CDH23: variants seen among roughly 807,000 people sequenced by gnomAD.
The protein encoded by CDH23 is cadherin related 23, also known as cadherin-23.
In CDH23, 189 loss-of-function variants were observed where a neutral mutation model predicts 317.1. The ratio of observed to expected loss-of-function variants is 0.60; its 90% confidence interval spans 0.53 to 0.67. CDH23 has a LOEUF of 0.67. Ranked by LOEUF, CDH23 falls within the 30% of genes least tolerant of loss-of-function variation. The probability of loss-of-function intolerance (pLI) is 0.00; values close to 1 mark genes in which losing one functional copy is unlikely to be tolerated. For synonymous variants in CDH23, 1,839 were observed against 1,876.8 expected (o/e 0.98, Z 0.52); for missense variants, 4,401 against 4,592.4 (o/e 0.96, Z 1.20).
intron 17 of CDH23, among the ~76,000 whole-genome samples, chr10:71,681,594 A>C (rs979176068): frequency 5.3e-5 from 8 of 152,132 alleles, no homozygotes; most frequent in Non-Finnish European, 1.0e-4. Context: ...AGGTGACTGG[A>C]TGGGTATGAA....
At chr10:71,509,590 TCCAGCAAAAGTC>T (rs1465955795) in intron 3 of CDH23, among the ~76,000 whole-genome samples, 1 of 152,148 alleles carries the variant, frequency 6.6e-6, no homozygotes, top group Non-Finnish European at 1.5e-5. Flanking sequence ...TCCCAGTAGT[TCCAGCAAAAGTC>T]CCAGGGCTGG....
chr10:71,465,611 C>G (rs1431008194), intron 3 of CDH23, among the ~76,000 whole-genome samples: 1 of 152,230 alleles, frequency 6.6e-6, no homozygotes, highest in Admixed American at 6.5e-5. Context: ...ACCAGAGCAG[C>G]CCTGCTGGCC....
intron 6 of CDH23, among the ~76,000 whole-genome samples, chr10:71,544,695 G>C (rs1856176015): frequency 6.6e-6 from 1 of 152,210 alleles, no homozygotes; most frequent in Non-Finnish European, 1.5e-5. Flanking sequence ...AATCAGGCAT[G>C]AAGTAGAAGC....
At chr10:71,694,011 G>T (rs1035221865) in intron 20 of CDH23, 136 bp from the exon 21 acceptor site, 3 of 740,142 alleles carry the variant, frequency 4.1e-6, no homozygotes, top group South Asian at 1.6e-5. Context: ...CATCCAGGCC[G>T]CCAGATCATG....
In CDH23 at chr10:71,811,919, C is replaced by A. The variant is rs367673741; in HGVS notation, c.9320-36C>A. On this transcript the variant is annotated intron_variant, in intron 65 of 69. Coordinates refer to ENST00000224721, the MANE Select transcript of CDH23 (RefSeq NM_022124.6). ...AACACCACCCCTACCCCTGGCTATGCCCCTCCCCTCCATGCCCCAACCCTT... is the reference window on the plus strand; with the variant it reads ...AACACCACCCCTACCCCTGGCTATGACCCTCCCCTCCATGCCCCAACCCTT... The A allele has an allele frequency of 3.3e-6, 5 of 1,506,794 alleles. No homozygotes were observed. In the South Asian group the frequency reaches 5.6e-5, roughly 17 times the overall value. The allele number at this position is 1,506,794 out of a possible 1,614,324, so 93.3% of individuals were successfully genotyped here. A position where few individuals can be genotyped will look rare whatever the true frequency, so the allele number is the denominator to read the frequency against.
At chr10:71,727,593 G>T (rs1589378247) in intron 30 of CDH23, among the ~76,000 whole-genome samples, 1 of 152,332 alleles carries the variant, frequency 6.6e-6, no homozygotes, top group South Asian at 2.1e-4. Context: ...CAGCCCCAGT[G>T]AGGGGCCGGG....
chr10:71,723,693 G>A (rs546428488), intron 28 of CDH23, among the ~76,000 whole-genome samples: 177 of 152,272 alleles, frequency 1.2e-3, no homozygotes, highest in African/African-American at 4.0e-3. Context: ...GGCTCTGAAA[G>A]GCTGCCGGGT....
rs541949114 is a variant in CDH23 at position 71,603,190 on chromosome 10, C to A, written c.833-12314C>A. On this transcript the variant is annotated intron_variant, in intron 9 of 69. Coordinates refer to ENST00000224721, the MANE Select transcript of CDH23 (RefSeq NM_022124.6). ...GTGACAACACGTCCAGGATGACAGA[C>A]AGCGCGTGCCCCCTCCTCCTGCCAT... 5.5e-4 allele frequency among the ~76,000 whole-genome samples: 83 copies of A among 152,284 alleles called. No individual in the cohort carries two copies. The South Asian group carries it at 0.017, about 31-fold the overall frequency.
chr10:71,813,406 GTC>G lies in CDH23; in HGVS notation c.9738+62_9738+63del, dbSNP rs778962069. On this transcript the variant is annotated intron_variant, in intron 69 of 69. Coordinates refer to ENST00000224721, the MANE Select transcript of CDH23 (RefSeq NM_022124.6). ...GTGCCCCAGCCTGGGGATGCTCTCT[GTC>G]TCTTGCTGTCCTGCTGTCCTTCTCT... The G allele has an allele frequency of 4.7e-4, 647 of 1,387,348 alleles. 1 individual carries two copies. Among genetic ancestry groups the G allele is most frequent in the Admixed American group, 1.1e-3 (58 of 50,790 alleles). 85.9% of individuals were successfully genotyped at this position (1,387,348 alleles called of 1,614,324 possible). A position where few individuals can be genotyped will look rare whatever the true frequency, so the allele number is the denominator to read the frequency against.
chr10:71,663,502 C>T (rs1190104963), intron 14 of CDH23, among the ~76,000 whole-genome samples: 1 of 152,208 alleles, frequency 6.6e-6, no homozygotes, highest in Admixed American at 6.5e-5. Flanking sequence ...CGGCCCTTGC[C>T]TCCCTTGCCA....
intron 39 of CDH23, 66 bp from the exon 40 acceptor site, chr10:71,778,123 T>A: frequency 6.3e-7 from 1 of 1,595,822 alleles, no homozygotes; most frequent in Non-Finnish European, 8.6e-7. Flanking sequence ...CTTCCCAAAT[T>A]GGTCAGAGGG....
At chr10:71,671,712 G>A (rs1864155971) in intron 14 of CDH23, among the ~76,000 whole-genome samples, 2 of 152,088 alleles carry the variant, frequency 1.3e-5, no homozygotes, top group South Asian at 2.1e-4. Context: ...CTCTGGAGTC[G>A]GGTCAGCCAG....
At chr10:71,624,502 G>T (rs1456441472) in intron 11 of CDH23, among the ~76,000 whole-genome samples, 2 of 152,150 alleles carry the variant, frequency 1.3e-5, no homozygotes, top group African/African-American at 4.8e-5. Context: ...AGGATTAAAT[G>T]GGTTCGTATC....
Position 71,791,166 on chromosome 10 carries a change from C to G in CDH23, c.6084C>G (p.Asp2028Glu). 1 of 1,612,238 alleles carries G rather than the reference C, an allele frequency of 6.2e-7. No individual in the cohort carries two copies. The highest frequency in any genetic ancestry group is 8.5e-7 in the Non-Finnish European group (1 of 1,179,316). The part of the protein sequence containing the change: ...VVTVRSGVII[D>E]REAFSPPILE... Reference sequence around the variant, plus strand: ...CCGTGAGGTCAGGTGTCATCATTGACCGGGAGGCATTCTCGCCACCCATCC... The same window carrying G: ...CCGTGAGGTCAGGTGTCATCATTGAGCGGGAGGCATTCTCGCCACCCATCC... The change falls in exon 47 of 70, where the codon GAC becomes GAG. Residue 2028 changes from aspartate to glutamate, a missense_variant. By Grantham distance (45) the Asp-to-Glu change is conservative (BLOSUM62 2). Transcript: ENST00000224721.
chr10:71,511,198 G>A lies in CDH23; in HGVS notation c.415G>A (p.Val139Ile), dbSNP rs771868822. The A allele has an allele frequency of 5.1e-5, 82 of 1,613,360 alleles. No homozygotes were observed. Among genetic ancestry groups the A allele is most frequent in the Admixed American group, 2.2e-4 (13 of 59,966 alleles). ...CACATTTCACAATCAGCCCTACAGC[G>A]TCCGCATCCCTGAGGTAGGAGCCAC... is the stretch of plus-strand genomic sequence containing the variant. The part of the protein sequence containing the change: ...APTFHNQPYS[V>I]RIPENTPVGT... Residue 139 changes from valine (V) to isoleucine (I), a missense_variant, in exon 6 of 70, where the codon GTC (valine) becomes ATC (isoleucine). By Grantham distance (29) the Val-to-Ile change is conservative (BLOSUM62 3). Coordinates refer to ENST00000224721, the MANE Select transcript of CDH23 (RefSeq NM_022124.6).
At chr10:71,500,187 C>T (rs1046694224) in intron 3 of CDH23, among the ~76,000 whole-genome samples, 3 of 152,094 alleles carry the variant, frequency 2.0e-5, no homozygotes, top group Admixed American at 1.3e-4. Context: ...TACTGTGATC[C>T]GATCATTACA....
chr10:71,718,499 G>A (rs1866396378), intron 28 of CDH23, among the ~76,000 whole-genome samples: 2 of 152,264 alleles, frequency 1.3e-5, no homozygotes, highest in African/African-American at 4.8e-5. Flanking sequence ...ACTCTGGCTG[G>A]GCAGCTGTGC....
At chr10:71,782,389 G>A (rs1490371068) in intron 41 of CDH23, among the ~76,000 whole-genome samples, 2 of 152,226 alleles carry the variant, frequency 1.3e-5, no homozygotes, top group Admixed American at 6.5e-5. Context: ...CAACCCCAAG[G>A]TGGCATCTCT....
At chr10:71,724,023 C>T (rs1355118406) in intron 28 of CDH23, 22 bp from the exon 29 acceptor site, 1 of 1,553,962 alleles carries the variant, frequency 6.4e-7, no homozygotes, top group Non-Finnish European at 8.7e-7. Context: ...CAAGAAGTAA[C>T]TCGTGTCTCA....
Sources: gnomAD v4.1 joint callset for allele counts (sites outside exome capture counted in the v4.1 genomes callset) on GRCh38, gnomAD v4.1.1 for gene constraint, MANE v1.5 for transcripts, NCBI Gene and HGNC (gene_info 2026-07-23, HGNC 2026-07-21) for gene names.